Variants in CIDEC observed in about 807,000 individuals in gnomAD.
CIDEC encodes cell death inducing DFFA like effector c.
CIDEC carries 11 observed loss-of-function variants against 21.9 expected under a neutral mutation model. The ratio of observed to expected loss-of-function variants is 0.50; its 90% CI spans 0.32 to 0.83. The LOEUF (loss-of-function observed/expected upper bound fraction) is 0.83. Ranked by LOEUF, CIDEC falls within the 40% of genes least tolerant of loss-of-function variation. CIDEC has a pLI of 0.04. For synonymous variants in CIDEC, 127 were observed against 124.9 expected, an observed-to-expected ratio of 1.02 and a Z score of -0.11; for missense variants, 302 against 302.3, an observed-to-expected ratio of 1.00 and a Z score of 0.01.
intron 6 of CIDEC, among the ~76,000 whole-genome samples, chr3:9,867,730 C>T (rs1436975845): frequency 6.6e-6 from 1 of 152,126 alleles, no homozygotes; most frequent in African/African-American, 2.4e-5. Context: ...GAGTTTGAGA[C>T]CAGCCTGGCC....
chr3:9,870,521 T>G (rs751188419), intron 4 of CIDEC, 199 bp from the exon 5 acceptor site: 5 of 1,456,482 alleles, frequency 3.4e-6, no homozygotes, highest in Non-Finnish European at 4.6e-6. Flanking sequence ...CACATATAAT[T>G]TTTAATTGTG....
chr3:9,868,022 A>G (rs955317897), intron 6 of CIDEC, among the ~76,000 whole-genome samples: 60 of 152,260 alleles, frequency 3.9e-4, no homozygotes, highest in African/African-American at 1.4e-3. Flanking sequence ...GATTGGTTTC[A>G]TTATGTTTGT....
intron 4 of CIDEC, among the ~76,000 whole-genome samples, chr3:9,872,063 T>C (rs2082355901): frequency 6.6e-6 from 1 of 152,178 alleles, no homozygotes; most frequent in South Asian, 2.1e-4. Context: ...TCCTCCCGCC[T>C]CGGCCTCCTA....
intron 6 of CIDEC, among the ~76,000 whole-genome samples, chr3:9,868,455 G>A (rs1422507321): frequency 6.6e-6 from 1 of 152,138 alleles, no homozygotes; most frequent in East Asian, 1.9e-4. Flanking sequence ...TTATTAGCTG[G>A]GTGAACTTCA....
chr3:9,878,104 T>G, intron 3 of CIDEC: 1 of 292,576 alleles, frequency 3.4e-6, no homozygotes, highest in Non-Finnish European at 6.6e-6. Flanking sequence ...GCACCCACTA[T>G]GTGCCTCAGT....
Position 9,874,212 on chromosome 3 carries a change from C to CAAAT in CIDEC, c.207+2850_207+2853dup, listed in dbSNP as rs75119489. Among the ~76,000 whole-genome samples, 22 of 151,804 alleles carry CAAAT rather than the reference C, an allele frequency of 1.4e-4. No homozygotes were observed. In the East Asian group the frequency reaches 3.1e-3, roughly 21 times the overall value. On this transcript the variant is annotated intron_variant, in intron 4 of 6. Coordinates refer to ENST00000336832, the MANE Select transcript of CIDEC (RefSeq NM_001321142.2). ...AGAAATACCTGTGTCCCTTTTGAAACAAATAAATAAATAAATAAATAGGCC... is the reference window on the plus strand; with the variant it reads ...AGAAATACCTGTGTCCCTTTTGAAACAAATAAATAAATAAATAAATAAATAGGCC...
At chr3:9,870,475 C>G (rs1159568934) in intron 4 of CIDEC, 153 bp from the exon 5 acceptor site, 4 of 1,535,148 alleles carry the variant, frequency 2.6e-6, no homozygotes, top group Non-Finnish European at 3.5e-6. Context: ...GGTTCCTAGT[C>G]TAGAATAATA....
At chr3:9,879,640 G>T (rs546631539) in intron 1 of CIDEC, among the ~76,000 whole-genome samples, 1 of 152,212 alleles carries the variant, frequency 6.6e-6, no homozygotes, top group Non-Finnish European at 1.5e-5. Context: ...CTCTTGAAGG[G>T]CCCAACCCTT....
intron 4 of CIDEC, among the ~76,000 whole-genome samples, chr3:9,870,931 C>T (rs926702273): frequency 2.0e-5 from 3 of 151,452 alleles, no homozygotes; most frequent in East Asian, 1.9e-4. Flanking sequence ...TGTGCTATCA[C>T]GTCCGGACAT....
intron 2 of CIDEC, 62 bp from the exon 3 acceptor site, chr3:9,878,573 G>A: frequency 1.4e-6 from 2 of 1,460,342 alleles, no homozygotes; most frequent in Non-Finnish European, 1.9e-6. Flanking sequence ...CTCTCTCATT[G>A]TTAGGCAAGG....
intron 4 of CIDEC, among the ~76,000 whole-genome samples, chr3:9,871,938 T>C (rs2082353591): frequency 6.6e-6 from 1 of 151,876 alleles, no homozygotes; most frequent in African/African-American, 2.4e-5. Flanking sequence ...CCCAAAAATC[T>C]TTTTTTCGTT....
intron 6 of CIDEC, among the ~76,000 whole-genome samples, chr3:9,868,973 TTGTG>T (rs774815003): frequency 1.3e-5 from 2 of 150,970 alleles, no homozygotes; most frequent in South Asian, 4.2e-4. Context: ...TGCCAGCATT[TTGTG>T]TGTGTGTGTG....
At chr3:9,878,169 G>A (rs925724848) in intron 3 of CIDEC, 1 of 468,934 alleles carries the variant, frequency 2.1e-6, no homozygotes, top group Non-Finnish European at 3.9e-6. Context: ...TTGTTGTGAG[G>A]CTTACATGAG....
intron 4 of CIDEC, chr3:9,870,528 T>A: frequency 1.4e-6 from 2 of 1,434,358 alleles, no homozygotes; most frequent in Non-Finnish European, 1.9e-6. Flanking sequence ...AATTTTTAAT[T>A]GTGATACAGT....
In CIDEC at chr3:9,870,017, A is replaced by G. The variant is rs759806584; in HGVS notation, c.419T>C (p.Val140Ala). ...GTACAGATCAAACGTTACACGGGCC[A>G]CATCAATCTTCTTGGCAGGCTTATG... ...LSHKPAKKID[V>A]ARVTFDLYKL... Residue 140 changes from valine to alanine, a missense_variant, in exon 6 of 7, where the codon GTG becomes GCG. Physicochemically the swap from Val to Ala is moderately conservative, Grantham distance 64. Coordinates refer to ENST00000336832, the MANE Select transcript of CIDEC (RefSeq NM_001321142.2). 8.1e-6 allele frequency: 13 copies of G among 1,614,250 alleles called. No individual in the cohort carries two copies. The highest frequency in any genetic ancestry group is 1.1e-5 in the Non-Finnish European group (13 of 1,180,044).
chr3:9,875,412 T>C (rs1213303163), intron 4 of CIDEC, among the ~76,000 whole-genome samples: 1 of 149,602 alleles, frequency 6.7e-6, no homozygotes, highest in African/African-American at 2.4e-5. Context: ...AAATGCATAG[T>C]TCCAAACCAA....
In CIDEC at chr3:9,868,984, T is replaced by A. The variant is rs1454179507; in HGVS notation, c.554+898A>T. On this transcript the variant is annotated intron_variant, in intron 6 of 6. Coordinates refer to ENST00000336832, the MANE Select transcript of CIDEC (RefSeq NM_001321142.2). ...CCACTGCCAGCATTTTGTGTGTGTG[T>A]GTGTGTGCGCACACACGGGCGTGTG... is the stretch of plus-strand genomic sequence containing the variant. Among the ~76,000 whole-genome samples, 7 of 152,198 alleles carry A rather than the reference T, an allele frequency of 4.6e-5. No individual in the cohort carries two copies. In the South Asian group the frequency reaches 1.2e-3, roughly 27 times the overall value.
At chr3:9,875,387 A>AAAAAAAG (rs1553563761) in intron 4 of CIDEC, among the ~76,000 whole-genome samples, 2 of 150,020 alleles carry the variant, frequency 1.3e-5, no homozygotes, top group Non-Finnish European at 2.9e-5. Flanking sequence ...AAAAAAAAAA[A>AAAAAAAG]AAAAAAGAAA....
At position 9,867,228 on chromosome 3, in the gene CIDEC, T is replaced by C. The variant is rs2082282954; in HGVS notation, c.623A>G (p.Tyr208Cys). The C allele has an allele frequency of 1.2e-6, 2 of 1,613,972 alleles. No individual in the cohort carries two copies. Among genetic ancestry groups the C allele is most frequent in the African/African-American group, 2.7e-5 (2 of 74,916 alleles). Reference sequence around the variant, plus strand: ...CGTAGCATCGAGGAGCTGCTGCAGGTAACAGGAGGTGCCAAGCAGTACGTG... The same window carrying C: ...CGTAGCATCGAGGAGCTGCTGCAGGCAACAGGAGGTGCCAAGCAGTACGTG... ...TGHVLLGTSCYLQQLLDATEE... is the reference protein window; with the variant it reads ...TGHVLLGTSCCLQQLLDATEE... The change falls in exon 7 of 7, where the codon TAC (tyrosine) becomes TGC (cysteine). Residue 208 changes from tyrosine to cysteine, a missense_variant. By Grantham distance (194) the Tyr-to-Cys change is radical. Coordinates refer to ENST00000336832, the MANE Select transcript of CIDEC (RefSeq NM_001321142.2).
Sources: allele counts gnomAD v4.1 joint callset (sites outside exome capture counted in the v4.1 genomes callset), GRCh38; gene constraint gnomAD v4.1.1; transcripts MANE v1.5; gene names NCBI Gene and HGNC (gene_info 2026-07-23, HGNC 2026-07-21).